The following LINGO2 variants were observed in gnomAD, a reference collection of about 807,000 sequenced individuals.
LINGO2 encodes the protein leucine-rich repeat and immunoglobulin-like domain-containing nogo receptor-interacting protein 2.
LINGO2 carries 14 observed loss-of-function variants against 30.6 expected under a neutral mutation model. The ratio of observed to expected loss-of-function variants is 0.46; its 90% confidence interval spans 0.30 to 0.72. The LOEUF (loss-of-function observed/expected upper bound fraction) is 0.72, where lower values mean the gene tolerates loss of function less well. LINGO2 is among the 30% of genes least tolerant of loss of function. The pLI is 0.07. For synonymous variants in LINGO2, 317 were observed against 288.5 expected, an observed-to-expected ratio of 1.10 and a Z score of -1.00; for missense variants, 729 against 751.7, an observed-to-expected ratio of 0.97 and a Z score of 0.35.
At chr9:29,189,289 C>T in the LINGO2 span, among the ~76,000 whole-genome samples, 3 of 151,326 alleles carry the variant, frequency 2.0e-5, no homozygotes, top group Admixed American at 6.6e-5. Context: ...CCACCTCCCT[C>T]CCGGACGGGG....
the LINGO2 span, among the ~76,000 whole-genome samples, chr9:28,799,843 A>G: frequency 6.6e-6 from 1 of 152,114 alleles, no homozygotes; most frequent in South Asian, 2.1e-4. Flanking sequence ...TACTGAGTAC[A>G]TTAGGAATAA....
At chr9:28,634,577 C>G (rs146410608) in intron 1 of LINGO2, among the ~76,000 whole-genome samples, 13 of 149,664 alleles carry the variant, frequency 8.7e-5, no homozygotes, top group African/African-American at 3.2e-4. Flanking sequence ...CCACCGCCTT[C>G]CGAGTTCAAG....
At chr9:28,072,270 T>A (rs1178401543) in intron 4 of LINGO2, among the ~76,000 whole-genome samples, 3 of 152,186 alleles carry the variant, frequency 2.0e-5, no homozygotes, top group African/African-American at 7.2e-5. Flanking sequence ...CTGAGACCTG[T>A]CCTCTCTTAA....
chr9:29,107,893 C>T, the LINGO2 span, among the ~76,000 whole-genome samples: 1 of 146,822 alleles, frequency 6.8e-6, no homozygotes, highest in East Asian at 2.0e-4. Flanking sequence ...GCTCTTCTAG[C>T]CACCTGAAAA....
the LINGO2 span, among the ~76,000 whole-genome samples, chr9:28,818,696 C>A: frequency 6.6e-6 from 1 of 152,080 alleles, no homozygotes; most frequent in African/African-American, 2.4e-5. Context: ...TCAACTCATT[C>A]TTTTATCATT....
At chr9:28,162,919 A>G (rs1316821188) in intron 4 of LINGO2, among the ~76,000 whole-genome samples, 1 of 152,166 alleles carries the variant, frequency 6.6e-6, no homozygotes, top group Admixed American at 6.6e-5. Flanking sequence ...TGAGCAAAGG[A>G]GCAGAAGTCT....
chr9:28,408,789 A>AC (rs1564180905), intron 2 of LINGO2, among the ~76,000 whole-genome samples: 10 of 15,096 alleles, frequency 6.6e-4, no homozygotes, highest in African/African-American at 1.0e-3. Flanking sequence ...AAAAAAAAAC[A>AC]AAAAAAAACA....
Position 28,021,404 on chromosome 9 carries a change from C to T in LINGO2, c.-86-8999G>A, listed in dbSNP as rs922209216. Among the ~76,000 whole-genome samples, 6 of 152,164 alleles carry T rather than the reference C, an allele frequency of 3.9e-5. No individual in the cohort carries two copies. The East Asian group carries it at 5.8e-4, about 15-fold the overall frequency. ...TTAAAGTTTTTGAGGTGTCTTATGG[C>T]CCACAGTGTGGTCTATTTTGGTGAA... On this transcript the variant is annotated intron_variant, in intron 4 of 5. Transcript: ENST00000379992.
chr9:28,847,133 G>A, the LINGO2 span, among the ~76,000 whole-genome samples: 1 of 148,204 alleles, frequency 6.7e-6, no homozygotes, highest in Non-Finnish European at 1.5e-5. Flanking sequence ...AGGGGTAGAT[G>A]GCTGTTGAGC....
chr9:28,811,511 A>G, the LINGO2 span, among the ~76,000 whole-genome samples: 1 of 152,146 alleles, frequency 6.6e-6, no homozygotes, highest in Admixed American at 6.5e-5. Context: ...TGAGTTTTAA[A>G]GCCCTGTATA....
At chr9:29,067,076 AG>A in the LINGO2 span, among the ~76,000 whole-genome samples, 406 of 152,026 alleles carry the variant, frequency 2.7e-3, 1 homozygote, top group African/African-American at 9.5e-3. Context: ...GGAAAAACAG[AG>A]AAAGAATCAT....
the LINGO2 span, among the ~76,000 whole-genome samples, chr9:28,976,627 T>C: frequency 1.3e-5 from 2 of 152,124 alleles, no homozygotes; most frequent in African/African-American, 2.4e-5. Flanking sequence ...CCTCATGTTA[T>C]CTATAGAGAA....
intron 4 of LINGO2, among the ~76,000 whole-genome samples, chr9:28,288,544 T>C (rs1193178855): frequency 6.6e-6 from 1 of 152,150 alleles, no homozygotes; most frequent in East Asian, 1.9e-4. Flanking sequence ...ATATGGCTTG[T>C]TATTTTGTTG....
At position 28,441,251 on chromosome 9, in the gene LINGO2, C is replaced by CTTTTTTTTTTTTTTTTTTTTTTTTTTTTT. The variant is rs72213590; in HGVS notation, c.-279+34660_-279+34688dup. Reference sequence around the variant, plus strand: ...TATAGCAGTATAAATTCATTGGAGGCTTTTTTTTTTTTTTTTTTTTTTTTT... The same window carrying CTTTTTTTTTTTTTTTTTTTTTTTTTTTTT: ...TATAGCAGTATAAATTCATTGGAGGCTTTTTTTTTTTTTTTTTTTTTTTTTTTTTTTTTTTTTTTTTTTTTTTTTTTTTT... On this transcript the variant is annotated intron_variant, in intron 2 of 5. Coordinates refer to ENST00000379992, the Ensembl canonical transcript of LINGO2. Among the ~76,000 whole-genome samples, 4 of 36,262 alleles carry CTTTTTTTTTTTTTTTTTTTTTTTTTTTTT rather than the reference C, an allele frequency of 1.1e-4. 1 individual carries two copies. Among genetic ancestry groups the CTTTTTTTTTTTTTTTTTTTTTTTTTTTTT allele is most frequent in the African/African-American group, 1.9e-4 (2 of 10,780 alleles). The allele number at this position is 36,262 out of a possible 152,430, so 23.8% of individuals were successfully genotyped here.
At chr9:28,012,557 C>A (rs1444699718) in intron 4 of LINGO2, 2 of 152,172 alleles carry the variant, frequency 1.3e-5, no homozygotes, top group Non-Finnish European at 2.9e-5. Flanking sequence ...CAAGACGTAG[C>A]CTGACTTTTT....
the LINGO2 span, among the ~76,000 whole-genome samples, chr9:29,061,760 A>C: frequency 6.6e-6 from 1 of 152,072 alleles, no homozygotes; most frequent in African/African-American, 2.4e-5. Flanking sequence ...CAAGCATTGC[A>C]TTTGACAATA....
the LINGO2 span, among the ~76,000 whole-genome samples, chr9:28,974,260 G>C: frequency 0.65 from 98,265 of 151,316 alleles, 32,477 homozygotes; most frequent in Non-Finnish European, 0.72. Flanking sequence ...CAAAAAAGTA[G>C]CTGGGCGTGG....
At chr9:28,910,354 C>G in the LINGO2 span, among the ~76,000 whole-genome samples, 1 of 151,862 alleles carries the variant, frequency 6.6e-6, no homozygotes, top group Non-Finnish European at 1.5e-5. Flanking sequence ...TTAACAAGAC[C>G]ATTACTAAAT....
intron 2 of LINGO2, among the ~76,000 whole-genome samples, chr9:28,428,808 G>A (rs1823523849): frequency 6.6e-6 from 1 of 152,058 alleles, no homozygotes; most frequent in Non-Finnish European, 1.5e-5. Flanking sequence ...AATTTTTCAA[G>A]GATGGGTTTT....
Sources: gnomAD v4.1 joint callset for allele counts (sites outside exome capture counted in the v4.1 genomes callset) on GRCh38, gnomAD v4.1.1 for gene constraint, MANE v1.5 for transcripts, NCBI Gene and HGNC (gene_info 2026-07-23, HGNC 2026-07-21) for gene names.